The following KCNB2 variants were observed in gnomAD, a reference collection of about 807,000 sequenced individuals.
KCNB2 encodes the protein delayed rectifier potassium channel protein.
Under a neutral mutation model 61.5 loss-of-function variants are expected in KCNB2, and 15 were observed. The ratio of observed to expected loss-of-function variants is 0.24; its 90% CI spans 0.16 to 0.38. KCNB2 has a LOEUF of 0.38. Ranked by LOEUF, KCNB2 falls within the 10% of genes least tolerant of loss-of-function variation. The pLI, the probability that KCNB2 is intolerant of heterozygous loss-of-function variation, is 1.00. For synonymous variants in KCNB2, 457 were observed against 446.0 expected (o/e 1.02, Z -0.31); for missense variants, 828 against 1,125.2 (o/e 0.74, Z 3.78).
At position 72,574,091 on chromosome 8, in the gene KCNB2, A is replaced by G. The variant is rs560776046; in HGVS notation, c.579+5778A>G. ...TTAAAATGTATCATCCATGAAGACTAACAGGTCATAAACCTGAAAGAAATA... is the reference window on the plus strand; with the variant it reads ...TTAAAATGTATCATCCATGAAGACTGACAGGTCATAAACCTGAAAGAAATA... On this transcript the variant is annotated intron_variant, in intron 2 of 2. Coordinates refer to ENST00000523207, the MANE Select transcript of KCNB2 (RefSeq NM_004770.3). Among the ~76,000 whole-genome samples, 230 of 152,400 alleles carry G rather than the reference A, an allele frequency of 1.5e-3. 1 individual carries two copies. Among genetic ancestry groups the G allele is most frequent in the African/African-American group, 5.3e-3 (219 of 41,600 alleles).
At chr8:72,806,290 G>A (rs368294535) in intron 2 of KCNB2, among the ~76,000 whole-genome samples, 17 of 150,706 alleles carry the variant, frequency 1.1e-4, no homozygotes, top group East Asian at 9.8e-4. Context: ...TCCAGAAGGC[G>A]GAGGTTGCAG....
At chr8:72,891,456 AG>A (rs548280118) in intron 2 of KCNB2, among the ~76,000 whole-genome samples, 413 of 152,362 alleles carry the variant, frequency 2.7e-3, no homozygotes, top group African/African-American at 6.8e-3. Context: ...TTATACAATT[AG>A]GAATGGACCA....
chr8:72,617,820 A>G (rs1405348086), intron 2 of KCNB2, among the ~76,000 whole-genome samples: 1 of 152,204 alleles, frequency 6.6e-6, no homozygotes, highest in Non-Finnish European at 1.5e-5. Flanking sequence ...GGCCCCAAGT[A>G]ATAAACAACT....
intron 2 of KCNB2, among the ~76,000 whole-genome samples, chr8:72,825,525 G>C (rs1173246041): frequency 6.6e-6 from 1 of 152,104 alleles, no homozygotes; most frequent in African/African-American, 2.4e-5. Flanking sequence ...AGTACACAGG[G>C]CTCCAATTTC....
intron 2 of KCNB2, among the ~76,000 whole-genome samples, chr8:72,929,561 C>T (rs921877752): frequency 1.3e-5 from 2 of 152,150 alleles, no homozygotes; most frequent in African/African-American, 4.8e-5. Flanking sequence ...CAAAAATTTA[C>T]TTTGGACGTT....
chr8:72,915,554 A>G (rs1327986624), intron 2 of KCNB2, among the ~76,000 whole-genome samples: 1 of 152,156 alleles, frequency 6.6e-6, no homozygotes, highest in Non-Finnish European at 1.5e-5. Flanking sequence ...GACATAGAAT[A>G]TTAGAACTGG....
At chr8:72,567,548 A>G (rs1806642682) in intron 1 of KCNB2, 94 bp from the exon 2 acceptor site, 1 of 536,170 alleles carries the variant, frequency 1.9e-6, no homozygotes, top group Non-Finnish European at 3.3e-6. Flanking sequence ...AGTCGTTAAT[A>G]TTGTACCTTC....
chr8:72,571,793 G>A (rs1381495380), intron 2 of KCNB2, among the ~76,000 whole-genome samples: 5 of 152,160 alleles, frequency 3.3e-5, no homozygotes, highest in Non-Finnish European at 7.3e-5. Context: ...TCATAGGATC[G>A]TGCAAGGGGA....
intron 2 of KCNB2, among the ~76,000 whole-genome samples, chr8:72,584,224 G>T (rs1380762520): frequency 6.6e-6 from 1 of 152,164 alleles, no homozygotes; most frequent in East Asian, 1.9e-4. Context: ...TTTTAAAAAA[G>T]TCAATCAGAG....
chr8:72,788,521 T>G (rs1808880081), intron 2 of KCNB2, among the ~76,000 whole-genome samples: 1 of 152,126 alleles, frequency 6.6e-6, no homozygotes, highest in Admixed American at 6.6e-5. Context: ...ACATTAGGGC[T>G]TCAACATATT....
At chr8:72,859,707 GTTTTTTTTTT>G (rs1187550622) in intron 2 of KCNB2, among the ~76,000 whole-genome samples, 1 of 42,008 alleles carries the variant, frequency 2.4e-5, no homozygotes. Context: ...ACTTCATTTC[GTTTTTTTTTT>G]TTTTTTTTTT....
intron 2 of KCNB2, among the ~76,000 whole-genome samples, chr8:72,919,843 G>C (rs187144659): frequency 6.6e-6 from 1 of 152,140 alleles, no homozygotes; most frequent in Admixed American, 6.5e-5. Context: ...ATTTTGCTTT[G>C]ATAATCAGAT....
At position 72,537,421 on chromosome 8, in the gene KCNB2, G is replaced by T. The variant is rs1291672382; in HGVS notation, c.-558G>T. 4 of 152,130 alleles carry T rather than the reference G, an allele frequency of 2.6e-5. No homozygotes were observed. Among genetic ancestry groups the T allele is most frequent in the South Asian group, 3.6e-4 (2 of 5,504 alleles). 9.4% of individuals were successfully genotyped at this position (152,130 alleles called of 1,614,324 possible). A position where few individuals can be genotyped will look rare whatever the true frequency, so the allele number is the denominator to read the frequency against. ...CCGCTGCGCCTCGGGCAGCCCCAGC[G>T]AGCGGCAACTCCCGGGCTGGCGCGG... On this transcript the variant is annotated 5_prime_UTR_variant, in exon 1 of 3. Transcript: ENST00000523207.
chr8:72,875,270 CCCT>C (rs1805684858), intron 2 of KCNB2: 1 of 152,278 alleles, frequency 6.6e-6, no homozygotes, highest in Admixed American at 6.5e-5. Flanking sequence ...CTCCTTCTCA[CCCT>C]CCTCTACTGT....
intron 2 of KCNB2, among the ~76,000 whole-genome samples, chr8:72,713,717 G>A (rs2128992054): frequency 1.3e-5 from 2 of 152,270 alleles, no homozygotes; most frequent in Middle Eastern, 6.8e-3. Context: ...GGAAAAAACA[G>A]AGCAGAAAAA....
intron 2 of KCNB2, among the ~76,000 whole-genome samples, chr8:72,688,687 A>C (rs1806893556): frequency 6.6e-6 from 1 of 152,134 alleles, no homozygotes; most frequent in African/African-American, 2.4e-5. Flanking sequence ...TAATTACCAT[A>C]ATTTTATAAA....
chr8:72,858,658 A>C (rs1363113358), intron 2 of KCNB2, among the ~76,000 whole-genome samples: 1 of 152,222 alleles, frequency 6.6e-6, no homozygotes, highest in Non-Finnish European at 1.5e-5. Context: ...GAATATCAAG[A>C]AAAGATCTGG....
chr8:72,836,592 T>C (rs1809786312), intron 2 of KCNB2, among the ~76,000 whole-genome samples: 1 of 152,190 alleles, frequency 6.6e-6, no homozygotes, highest in South Asian at 2.1e-4. Flanking sequence ...CTTTGTACCT[T>C]CTTATTCTAC....
At chr8:72,884,407 G>A (rs1211768569) in intron 2 of KCNB2, among the ~76,000 whole-genome samples, 2 of 152,080 alleles carry the variant, frequency 1.3e-5, no homozygotes, top group Non-Finnish European at 2.9e-5. Flanking sequence ...GCGTGTGCAC[G>A]TGTGTGTATG....
Sources: allele counts gnomAD v4.1 joint callset (sites outside exome capture counted in the v4.1 genomes callset), GRCh38; gene constraint gnomAD v4.1.1; transcripts MANE v1.5; gene names NCBI Gene and HGNC (gene_info 2026-07-23, HGNC 2026-07-21).